The following C3 variants were observed in gnomAD, a reference collection of about 807,000 sequenced individuals.
C3 encodes complement C3.
C3 carries 97 observed loss-of-function variants against 207.9 expected under a neutral mutation model. That is an observed-to-expected ratio of 0.47 (90% confidence interval 0.40 to 0.55). C3 has a LOEUF of 0.55. C3 is among the 20% of genes least tolerant of loss of function. C3 has a pLI of 0.00. For synonymous variants in C3, 848 were observed against 857.6 expected (o/e 0.99, Z 0.20); for missense variants, 1,684 against 2,171.7 (o/e 0.78, Z 4.46).
At chr19:6,716,217 A>T (rs1351270100) in intron 4 of C3, among the ~76,000 whole-genome samples, 1 of 151,696 alleles carries the variant, frequency 6.6e-6, no homozygotes, top group African/African-American at 2.4e-5. Flanking sequence ...GAGCCATTGC[A>T]TTTGCCCCAA....
At chr19:6,694,731 A>G (rs1918265356) in intron 23 of C3, 97 bp from the exon 24 acceptor site, 5 of 1,138,402 alleles carry the variant, frequency 4.4e-6, no homozygotes, top group Non-Finnish European at 6.3e-6. Context: ...AGCCAGGGCC[A>G]AGGGGTTAGG....
In C3 at chr19:6,720,527, C is replaced by T. The variant is rs1377443294; in HGVS notation, c.63G>A (p.Leu21=). 1 of 1,592,522 alleles carries T rather than the reference C, an allele frequency of 6.3e-7. No homozygotes were observed. The highest frequency in any genetic ancestry group is 8.6e-7 in the Non-Finnish European group (1 of 1,169,284). Residue 21 remains leucine (L), a synonymous_variant, in exon 1 of 41, where the codon CTG becomes CTA. Transcript: ENST00000245907. ...TCATAACCACTCACATGGGACTCCCCAGAGCCAGGGGGAGGTGGGTTAGTA... is the reference window on the plus strand; with the variant it reads ...TCATAACCACTCACATGGGACTCCCTAGAGCCAGGGGGAGGTGGGTTAGTA... ...LLLLTHLPLA[L]GSPMYSIITP...
chr19:6,694,345 G>T, intron 24 of C3, 86 bp downstream of exon 24: 1 of 1,189,750 alleles, frequency 8.4e-7, no homozygotes, highest in Non-Finnish European at 1.2e-6. Context: ...AGGGGAGGGC[G>T]TGGTCTTGAG....
chr19:6,684,146 A>G lies in C3; in HGVS notation c.4172+242T>C, dbSNP rs537837753. The stretch of plus-strand genomic sequence containing the variant: ...TTTAAAGGTCATGGAATGATTGTGT[A>G]CTTTCCTCCATTGATTACTAAGATG... On this transcript the variant is annotated intron_variant, in intron 33 of 40. Coordinates refer to ENST00000245907, the MANE Select transcript of C3 (RefSeq NM_000064.4). The G allele has an allele frequency of 8.4e-6, 5 of 595,756 alleles. No homozygotes were observed. In the South Asian group the frequency reaches 9.4e-5, roughly 11 times the overall value. 36.9% of individuals were successfully genotyped at this position (595,756 alleles called of 1,614,324 possible). A position where few individuals can be genotyped will look rare whatever the true frequency, so the allele number is the denominator to read the frequency against.
chr19:6,707,689 T>C, intron 15 of C3, 111 bp downstream of exon 15: 1 of 1,539,318 alleles, frequency 6.5e-7, no homozygotes, highest in Admixed American at 1.7e-5. Flanking sequence ...TACTAGGTGG[T>C]GGTGGAGGCG....
chr19:6,677,850 G>T lies in C3; in HGVS notation c.*32C>A, dbSNP rs749838591. ...TCCAGACACGTGAGATATAACTGAA[G>T]CTTTATCTGGAGTGGGGGAATGGGG... On this transcript the variant is annotated 3_prime_UTR_variant, in exon 41 of 41. Transcript: ENST00000245907. The T allele has an allele frequency of 5.0e-6, 8 of 1,613,298 alleles. No individual in the cohort carries two copies. The highest frequency in any genetic ancestry group is 6.8e-6 in the Non-Finnish European group (8 of 1,179,860).
chr19:6,679,194 G>C lies in C3; in HGVS notation c.4561C>G (p.Gln1521Glu), dbSNP rs758128289. Residue 1521 changes from glutamine (Q) to glutamate (E), a missense_variant, in exon 38 of 41, where the codon CAA (glutamine) becomes GAA (glutamate). Physicochemically the swap from Gln to Glu is conservative, Grantham distance 29. This residue lies in a region of C3 where 346 missense variants were observed against 380.1 expected (regional missense o/e 0.91). Coordinates refer to ENST00000245907, the MANE Select transcript of C3 (RefSeq NM_000064.4). ...CRCAEENCFI[Q>E]KSDDKVTLEE... is the part of the protein sequence containing the mutation. ...AGGGTGACCTTGTCATCCGACTTTT[G>C]TATGAAGCAATTCTCTGCAGGGTGG... 2.1e-5 allele frequency: 34 copies of C among 1,613,996 alleles called. 1 individual carries two copies. The South Asian group carries it at 3.7e-4, about 18-fold the overall frequency.
chr19:6,703,376 G>A (rs1967712964), intron 17 of C3, among the ~76,000 whole-genome samples: 1 of 152,320 alleles, frequency 6.6e-6, no homozygotes, highest in East Asian at 1.9e-4. Flanking sequence ...GGGAGGCCGA[G>A]GCGGGTGGAT....
At chr19:6,680,019 C>G (rs1174192895) in intron 36 of C3, 139 bp downstream of exon 36, 1 of 698,146 alleles carries the variant, frequency 1.4e-6, no homozygotes, top group African/African-American at 1.7e-5. Context: ...ACCCTCAGAC[C>G]CGTGGGACCT....
chr19:6,699,793 T>C (rs1321186680), intron 19 of C3, among the ~76,000 whole-genome samples: 2 of 152,020 alleles, frequency 1.3e-5, no homozygotes, highest in Admixed American at 6.6e-5. Context: ...TATCAAATAT[T>C]AAAAGGTTAT....
rs138835619 is a variant in C3, at chr19:6,710,675, G to A, written c.1650C>T (p.Ser550=). ...ASGQREVVAD[S]VWVDVKDSCV... ...AGGAGTCCTTGACGTCCACCCACAC[G>A]GAGTCGGCCACCACCTCCCTCTGGC... Residue 550 remains serine, a synonymous_variant, in exon 13 of 41, where the codon TCC becomes TCT. Transcript: ENST00000245907. 3.6e-4 allele frequency: 574 copies of A among 1,613,230 alleles called. No individual in the cohort carries two copies. Among genetic ancestry groups the A allele is most frequent in the Non-Finnish European group, 4.8e-4 (562 of 1,179,880 alleles).
At chr19:6,711,379 G>T (rs1392095181) in intron 11 of C3, among the ~76,000 whole-genome samples, 183 bp from the exon 12 acceptor site, 6 of 152,110 alleles carry the variant, frequency 3.9e-5, no homozygotes, top group Non-Finnish European at 8.8e-5. Context: ...TAATCATAAG[G>T]GTCTTTATTA....
chr19:6,707,649 G>A (rs1398116928), intron 15 of C3, 112 bp from the exon 16 acceptor site: 1 of 1,527,656 alleles, frequency 6.5e-7, no homozygotes, highest in African/African-American at 1.4e-5. Context: ...TTTGATGGAA[G>A]AGCAAACTGA....
Position 6,707,708 on chromosome 19 carries a change from AC to A in C3, c.1975+91del. ...AGGTGGTGGTGGAGGCGGGGCTTGA[AC>A]CCAGGCCCCCGGTTTCCAGAGCTCT... On this transcript the variant is annotated intron_variant, in intron 15 of 40. Transcript: ENST00000245907. 2.5e-6 allele frequency: 4 copies of A among 1,577,542 alleles called. No homozygotes were observed. In the South Asian group the frequency reaches 4.4e-5, roughly 17 times the overall value.
At chr19:6,679,637 G>A (rs1356774258) in intron 36 of C3, 141 bp from the exon 37 acceptor site, 4 of 717,372 alleles carry the variant, frequency 5.6e-6, no homozygotes, top group Non-Finnish European at 1.0e-5. Context: ...CAGACCCCAA[G>A]ACCCCCTCTA....
Position 6,678,357 on chromosome 19 carries a change from C to A in C3, c.4714+15G>T. On this transcript the variant is annotated intron_variant, in intron 39 of 40. Coordinates refer to ENST00000245907, the MANE Select transcript of C3 (RefSeq NM_000064.4). The stretch of plus-strand genomic sequence containing the variant: ...GCCAGGGAAGAGCCACGGGAGGCAG[C>A]GTGCTGAGCCTGACCTGACTTGATG... 1 of 1,614,078 alleles carries A rather than the reference C, an allele frequency of 6.2e-7. No individual in the cohort carries two copies.
chr19:6,690,694 C>A lies in C3; in HGVS notation c.3424G>T (p.Ala1142Ser), dbSNP rs762408250. The A allele has an allele frequency of 1.2e-6, 2 of 1,614,226 alleles. No individual in the cohort carries two copies. Among genetic ancestry groups the A allele is most frequent in the South Asian group, 2.2e-5 (2 of 91,086 alleles). Reference protein sequence around the residue: ...GLRNNNEKDMALTAFVLISLQ... With the variant: ...GLRNNNEKDMSLTAFVLISLQ... ...GAGATGAGAACAAAGGCCGTGAGGG[C>A]CATGTCTTTCTCGTTGTTGTTCCGT... Residue 1142 changes from alanine (A) to serine (S), a missense_variant, in exon 27 of 41, where the codon GCC (alanine) becomes TCC (serine). Ala to Ser is a moderately conservative substitution (Grantham distance 99). This residue lies in a region of C3 where 1,280 missense variants were observed against 1,739.1 expected (regional missense o/e 0.74). Coordinates refer to ENST00000245907, the MANE Select transcript of C3 (RefSeq NM_000064.4).
In C3 at chr19:6,686,157, C is replaced by T; in HGVS notation, c.3777G>A (p.Gln1259=). The T allele has an allele frequency of 6.2e-7, 1 of 1,614,180 alleles. No individual in the cohort carries two copies. The highest frequency in any genetic ancestry group is 8.5e-7 in the Non-Finnish European group (1 of 1,180,042). ...VPPVVRWLNE[Q]RYYGGGYGST... ...AGCCATAGCCACCACCGTAGTATCT[C>T]TGTTCATTGAGCCAACGCACGACGG... The change falls in exon 29 of 41, where the codon CAG becomes CAA. Residue 1259 remains glutamine (Q), a synonymous_variant. Transcript: ENST00000245907.
In C3 at chr19:6,700,295, G is replaced by A. The variant is rs1432785926; in HGVS notation, c.2440+1832C>T. Reference sequence around the variant, plus strand: ...GCAACATATAACATATTATATATGTGATATGCAATATATATTATATGTAAT... The same window carrying A: ...GCAACATATAACATATTATATATGTAATATGCAATATATATTATATGTAAT... On this transcript the variant is annotated intron_variant, in intron 19 of 40. Transcript: ENST00000245907. 5.8e-4 allele frequency among the ~76,000 whole-genome samples: 33 copies of A among 57,196 alleles called. 8 individuals are homozygous for A. Among genetic ancestry groups the A allele is most frequent in the African/African-American group, 9.3e-4 (9 of 9,708 alleles). The allele number at this position is 57,196 out of a possible 152,430, so 37.5% of individuals were successfully genotyped here.
Sources: allele counts gnomAD v4.1 joint callset (sites outside exome capture counted in the v4.1 genomes callset), GRCh38; gene constraint gnomAD v4.1.1; regional missense constraint gnomAD v4.1.1; transcripts MANE v1.5; gene names NCBI Gene and HGNC (gene_info 2026-07-23, HGNC 2026-07-21).